The following DNAH12 variants were observed in gnomAD, a reference collection of about 807,000 sequenced individuals.
The protein encoded by DNAH12 is axonemal beta dynein heavy chain 12.
Under a neutral mutation model 371.5 loss-of-function variants are expected in DNAH12, and 285 were observed. That is an observed-to-expected ratio of 0.77 (90% CI 0.70 to 0.85). DNAH12 has a LOEUF of 0.85. DNAH12 is among the 40% of genes least tolerant of loss of function. The probability of loss-of-function intolerance (pLI) is 0.00; values close to 1 mark genes in which losing one functional copy is unlikely to be tolerated. For missense variants in DNAH12, 3,611 were observed against 3,689.4 expected (o/e 0.98, Z 0.55); for synonymous variants, 1,200 against 1,213.0 (o/e 0.99, Z 0.22).
intron 23 of DNAH12, 28 bp downstream of exon 23, chr3:57,454,747 T>C (rs1350492864): frequency 6.5e-7 from 1 of 1,547,540 alleles, no homozygotes; most frequent in Admixed American, 2.0e-5. Flanking sequence ...GAATGAAGGA[T>C]GTTACTTAAA....
At chr3:57,368,422 G>GT (rs1187137314) in intron 55 of DNAH12, among the ~76,000 whole-genome samples, 162 bp from the exon 56 acceptor site, 106 of 147,296 alleles carry the variant, frequency 7.2e-4, no homozygotes, top group African/African-American at 9.4e-4. Flanking sequence ...ATGAAAAGGA[G>GT]TTTTTTTTTT....
chr3:57,318,359 T>A (rs757053154), intron 65 of DNAH12, among the ~76,000 whole-genome samples: 5 of 150,610 alleles, frequency 3.3e-5, no homozygotes, highest in Non-Finnish European at 7.4e-5. Flanking sequence ...GGAGTTAAAT[T>A]TCATTCTTTT....
At chr3:57,473,359 C>T (rs1377815938) in intron 13 of DNAH12, among the ~76,000 whole-genome samples, 1 of 152,062 alleles carries the variant, frequency 6.6e-6, no homozygotes, top group Non-Finnish European at 1.5e-5. Flanking sequence ...TGGTGACGCA[C>T]GTCTGTAGTC....
At chr3:57,350,551 T>A (rs781927118) in intron 60 of DNAH12, among the ~76,000 whole-genome samples, 11 of 152,196 alleles carry the variant, frequency 7.2e-5, no homozygotes, top group Non-Finnish European at 1.5e-4. Flanking sequence ...TACATCTAAA[T>A]GTGAAACGCA....
At chr3:57,420,451 A>G (rs928893123) in intron 36 of DNAH12, among the ~76,000 whole-genome samples, 3 of 152,056 alleles carry the variant, frequency 2.0e-5, no homozygotes, top group Non-Finnish European at 2.9e-5. Flanking sequence ...TATTTTTTTA[A>G]GTTTTAGCTT....
In DNAH12 at chr3:57,474,470, G is replaced by A. The variant is rs571626519; in HGVS notation, c.1651-1799C>T. Reference sequence around the variant, plus strand: ...TGCCACCACGCCCAGCTAACTTTTTGTGTTTAGCAGAGACGGGATTTCACC... The same window carrying A: ...TGCCACCACGCCCAGCTAACTTTTTATGTTTAGCAGAGACGGGATTTCACC... On this transcript the variant is annotated intron_variant, in intron 13 of 73. Coordinates refer to ENST00000495027, the MANE Select transcript of DNAH12 (RefSeq NM_001366028.2). 1.8e-3 allele frequency among the ~76,000 whole-genome samples: 274 copies of A among 152,008 alleles called. 1 individual carries two copies. The highest frequency in any genetic ancestry group is 6.3e-3 in the African/African-American group (261 of 41,498).
chr3:57,450,439 T>C (rs1203460032), intron 25 of DNAH12, among the ~76,000 whole-genome samples: 2 of 151,554 alleles, frequency 1.3e-5, no homozygotes, highest in African/African-American at 2.4e-5. Flanking sequence ...TCCCAGCTAC[T>C]TGGGAGGCTG....
chr3:57,489,880 C>G (rs1336108984), intron 11 of DNAH12, among the ~76,000 whole-genome samples, 193 bp from the exon 12 acceptor site: 1 of 151,870 alleles, frequency 6.6e-6, no homozygotes, highest in African/African-American at 2.4e-5. Flanking sequence ...TGTCAATATA[C>G]CAGTAAATAT....
chr3:57,512,784 T>C (rs1028274333), intron 4 of DNAH12, among the ~76,000 whole-genome samples: 6 of 152,170 alleles, frequency 3.9e-5, no homozygotes, highest in Non-Finnish European at 5.9e-5. Flanking sequence ...GCAGCACTAC[T>C]TATAATAGCA....
At chr3:57,434,583 C>A (rs2065062072) in intron 30 of DNAH12, among the ~76,000 whole-genome samples, 1 of 152,056 alleles carries the variant, frequency 6.6e-6, no homozygotes, top group Admixed American at 6.6e-5. Flanking sequence ...GGGGGATATT[C>A]TTGCCATAAT....
chr3:57,301,725 CACAT>C lies in DNAH12; in HGVS notation c.11394+6_11394+9del, dbSNP rs746981485. ...ACACACACACACACACACACACACA[CACAT>C]TTTACCTGTAAAAAGTTCAACCGGG... is the stretch of plus-strand genomic sequence containing the variant. On this transcript the variant is annotated splice_donor_region_variant and intron_variant, in intron 70 of 73. Transcript: ENST00000495027. 31 of 1,366,180 alleles carry C rather than the reference CACAT, an allele frequency of 2.3e-5. No individual in the cohort carries two copies. Among genetic ancestry groups the C allele is most frequent in the Non-Finnish European group, 3.0e-5 (30 of 995,294 alleles). 84.6% of individuals were successfully genotyped at this position (1,366,180 alleles called of 1,614,324 possible). A position where few individuals can be genotyped will look rare whatever the true frequency, so the allele number is the denominator to read the frequency against.
intron 51 of DNAH12, among the ~76,000 whole-genome samples, 166 bp from the exon 52 acceptor site, chr3:57,379,464 GAAGT>G (rs2063342609): frequency 6.6e-6 from 1 of 152,106 alleles, no homozygotes; most frequent in Non-Finnish European, 1.5e-5. Flanking sequence ...AATTGTAGCA[GAAGT>G]ATGTCATATT....
intron 60 of DNAH12, among the ~76,000 whole-genome samples, chr3:57,337,665 A>AT (rs1419255589): frequency 1.3e-5 from 2 of 152,070 alleles, no homozygotes; most frequent in Non-Finnish European, 2.9e-5. Context: ...ATCTCAAAAA[A>AT]ATATATATAT....
In DNAH12 at chr3:57,489,687, A is replaced by G. The variant is rs1326889326; in HGVS notation, c.1336T>C (p.Phe446Leu). 6.7e-6 allele frequency: 10 copies of G among 1,501,590 alleles called. No individual in the cohort carries two copies. Among genetic ancestry groups the G allele is most frequent in the Non-Finnish European group, 7.9e-6 (9 of 1,133,450 alleles). The allele number at this position is 1,501,590 out of a possible 1,614,324, so 93.0% of individuals were successfully genotyped here. Residue 446 changes from phenylalanine to leucine, a missense_variant and splice_region_variant, in exon 12 of 74, where the codon TTT (phenylalanine) becomes CTT (leucine). Phe to Leu is a conservative substitution (Grantham distance 22). Coordinates refer to ENST00000495027, the MANE Select transcript of DNAH12 (RefSeq NM_001366028.2). ...EDHTFDEYTE[F>L]IEKFLSLASE... ...GCAAGACTGAGAAATTTTTCTATAA[A>G]CTTGAAAAAAAGTGTTCAAATGAAA...
At chr3:57,527,243 T>A (rs1041263162) in intron 2 of DNAH12, among the ~76,000 whole-genome samples, 12 of 152,196 alleles carry the variant, frequency 7.9e-5, no homozygotes, top group Non-Finnish European at 1.2e-4. Flanking sequence ...ATGCCTGTAA[T>A]TCCAGTCCTT....
chr3:57,417,303 T>C (rs1002044511), intron 37 of DNAH12, among the ~76,000 whole-genome samples: 3 of 152,050 alleles, frequency 2.0e-5, no homozygotes, highest in African/African-American at 2.4e-5. Flanking sequence ...AACTGAGTAA[T>C]AGCCATATTC....
chr3:57,534,996 A>T (rs1286545078), intron 2 of DNAH12, among the ~76,000 whole-genome samples: 1 of 152,182 alleles, frequency 6.6e-6, no homozygotes, highest in Non-Finnish European at 1.5e-5. Flanking sequence ...TAGGCTTAAG[A>T]TCTTTATATG....
At chr3:57,323,995 A>T (rs2153296297) in intron 62 of DNAH12, among the ~76,000 whole-genome samples, 1 of 152,304 alleles carries the variant, frequency 6.6e-6, no homozygotes, top group Middle Eastern at 3.4e-3. Flanking sequence ...TGGCCATGTG[A>T]CTAAGTTTTG....
intron 13 of DNAH12, among the ~76,000 whole-genome samples, chr3:57,474,486 G>A (rs897550578): frequency 1.3e-5 from 2 of 151,970 alleles, no homozygotes; most frequent in African/African-American, 4.8e-5. Context: ...AGCAGAGACG[G>A]GATTTCACCA....
Sources: allele counts gnomAD v4.1 joint callset (sites outside exome capture counted in the v4.1 genomes callset), GRCh38; gene constraint gnomAD v4.1.1; transcripts MANE v1.5; gene names NCBI Gene and HGNC (gene_info 2026-07-23, HGNC 2026-07-21).